The following FAM169A variants were observed in gnomAD, a reference collection of about 807,000 sequenced individuals.
FAM169A encodes the protein family with sequence similarity 169 member A, also known as soluble lamin-associated protein of 75 kDa.
Under a neutral mutation model 75.7 loss-of-function variants are expected in FAM169A, and 24 were observed. The observed-to-expected ratio is 0.32, with a 90% confidence interval of 0.23 to 0.45. The LOEUF is 0.45. FAM169A is among the 20% of genes least tolerant of loss of function. The probability of loss-of-function intolerance (pLI) is 1.00; values close to 1 mark genes in which losing one functional copy is unlikely to be tolerated. For synonymous variants in FAM169A, 271 were observed against 271.0 expected, an observed-to-expected ratio of 1.00 and a Z score of 0.00; for missense variants, 673 against 784.0, an observed-to-expected ratio of 0.86 and a Z score of 1.69.
intron 5 of FAM169A, among the ~76,000 whole-genome samples, chr5:74,823,075 T>C (rs538261896): frequency 1.6e-4 from 25 of 152,322 alleles, no homozygotes; most frequent in African/African-American, 6.0e-4. Context: ...AATACAATTT[T>C]CCAAGTGCTC....
rs1750309183 is a variant in FAM169A at position 74,865,913 on chromosome 5, G to A, written c.-4+252C>T. On this transcript the variant is annotated intron_variant, in intron 1 of 12. Transcript: ENST00000687041. The stretch of plus-strand genomic sequence containing the variant: ...TCACACAAAATGGTGGCGCCGAGGC[G>A]GAGGCCGGCGCACCTGGGGGCGCCA... 2.0e-5 allele frequency: 3 copies of A among 152,336 alleles called. 1 individual carries two copies. The South Asian group carries it at 6.2e-4, about 32-fold the overall frequency. 9.4% of individuals were successfully genotyped at this position (152,336 alleles called of 1,614,324 possible).
intron 11 of FAM169A, among the ~76,000 whole-genome samples, chr5:74,795,223 A>C (rs1315906196): frequency 6.6e-6 from 1 of 152,202 alleles, no homozygotes; most frequent in Non-Finnish European, 1.5e-5. Flanking sequence ...ACGCCACTGC[A>C]CTCCAGCCTG....
At chr5:74,855,045 A>T (rs1227475420) in intron 1 of FAM169A, among the ~76,000 whole-genome samples, 1 of 152,194 alleles carries the variant, frequency 6.6e-6, no homozygotes, top group African/African-American at 2.4e-5. Flanking sequence ...ACTGTTCTCC[A>T]TAGTGGTTAT....
intron 1 of FAM169A, among the ~76,000 whole-genome samples, chr5:74,847,556 G>A (rs1445158701): frequency 3.3e-5 from 5 of 152,068 alleles, no homozygotes; most frequent in Non-Finnish European, 7.4e-5. Context: ...TAAGACCTAT[G>A]AAACCACCAA....
chr5:74,818,785 CTCTCTCTCTCTCTCTCTCTATA>C (rs1290031220), intron 5 of FAM169A, among the ~76,000 whole-genome samples: 1 of 136,324 alleles, frequency 7.3e-6, no homozygotes, highest in African/African-American at 3.0e-5. Context: ...CTCTCTCTCT[CTCTCTCTCTCTCTCTCTCTATA>C]TATATATATA....
At chr5:74,785,038 A>C (rs1273882257) in intron 11 of FAM169A, among the ~76,000 whole-genome samples, 1 of 152,122 alleles carries the variant, frequency 6.6e-6, no homozygotes, top group African/African-American at 2.4e-5. Context: ...AAGTGAAAAA[A>C]AGGCCAGGCA....
intron 1 of FAM169A, among the ~76,000 whole-genome samples, chr5:74,846,585 T>G (rs929823774): frequency 6.6e-6 from 1 of 152,214 alleles, no homozygotes; most frequent in Non-Finnish European, 1.5e-5. Context: ...GAAAATTCTA[T>G]TAAATAAGCA....
At chr5:74,849,415 G>A (rs1247033025) in intron 1 of FAM169A, among the ~76,000 whole-genome samples, 1 of 151,882 alleles carries the variant, frequency 6.6e-6, no homozygotes, top group Non-Finnish European at 1.5e-5. Context: ...GATTCTTACA[G>A]GTTACTGCTA....
At chr5:74,864,974 T>G (rs1342037973) in intron 1 of FAM169A, among the ~76,000 whole-genome samples, 1 of 145,180 alleles carries the variant, frequency 6.9e-6, no homozygotes, top group Non-Finnish European at 1.5e-5. Flanking sequence ...TTTGCAAAGA[T>G]CATCTGTACA....
intron 1 of FAM169A, among the ~76,000 whole-genome samples, chr5:74,856,604 A>G (rs1254071842): frequency 6.6e-6 from 1 of 152,076 alleles, no homozygotes; most frequent in African/African-American, 2.4e-5. Context: ...ACATTGCACT[A>G]TAGTTTTTTA....
intron 1 of FAM169A, among the ~76,000 whole-genome samples, chr5:74,845,317 G>A (rs1749097626): frequency 6.6e-6 from 1 of 152,088 alleles, no homozygotes; most frequent in South Asian, 2.1e-4. Context: ...AGGAGATCGA[G>A]ACCATCCTGG....
chr5:74,785,125 C>A (rs1461884307), intron 11 of FAM169A, among the ~76,000 whole-genome samples: 1 of 151,908 alleles, frequency 6.6e-6, no homozygotes, highest in Non-Finnish European at 1.5e-5. Context: ...TCAAGACCAG[C>A]CTGGCCAAGA....
rs1237883474 is a variant in FAM169A at position 74,779,769 on chromosome 5, TAGG to T, written c.*1688_*1690del. 1.3e-5 allele frequency: 2 copies of T among 152,192 alleles called. No individual in the cohort carries two copies. Among genetic ancestry groups the T allele is most frequent in the Non-Finnish European group, 2.9e-5 (2 of 68,020 alleles). 9.4% of individuals were successfully genotyped at this position (152,192 alleles called of 1,614,324 possible). The stretch of plus-strand genomic sequence containing the variant: ...ACAATTGTTCAAAATCTAACACAAA[TAGG>T]AGCGTTTACTATTTTTGTCTGCTTT... On this transcript the variant is annotated 3_prime_UTR_variant, in exon 13 of 13. Coordinates refer to ENST00000687041, the MANE Select transcript of FAM169A (RefSeq NM_001376049.1).
At chr5:74,803,289 G>C (rs1278211467) in intron 8 of FAM169A, among the ~76,000 whole-genome samples, 2 of 152,010 alleles carry the variant, frequency 1.3e-5, no homozygotes, top group African/African-American at 4.8e-5. Context: ...AATACTAAAT[G>C]AATCTGTGTA....
chr5:74,795,360 A>C (rs1439103516), intron 11 of FAM169A, among the ~76,000 whole-genome samples: 1 of 152,238 alleles, frequency 6.6e-6, no homozygotes, highest in East Asian at 1.9e-4. Context: ...ATTTATGAAC[A>C]TATGAAAGAA....
At chr5:74,860,193 C>A (rs536163219) in intron 1 of FAM169A, among the ~76,000 whole-genome samples, 33 of 152,304 alleles carry the variant, frequency 2.2e-4, no homozygotes, top group African/African-American at 7.5e-4. Flanking sequence ...TGTAGATCTG[C>A]ACTGAGTAGT....
intron 11 of FAM169A, among the ~76,000 whole-genome samples, chr5:74,793,657 T>C (rs1021854601): frequency 2.6e-5 from 4 of 152,182 alleles, no homozygotes; most frequent in East Asian, 1.9e-4. Context: ...TCACCACTAA[T>C]GAATTTATCC....
intron 8 of FAM169A, among the ~76,000 whole-genome samples, chr5:74,802,369 T>G (rs954890804): frequency 6.6e-6 from 1 of 151,976 alleles, no homozygotes; most frequent in East Asian, 1.9e-4. Flanking sequence ...AATCACAAAT[T>G]GTACCATTTT....
At chr5:74,858,529 C>CA (rs1372484211) in intron 1 of FAM169A, among the ~76,000 whole-genome samples, 2 of 152,130 alleles carry the variant, frequency 1.3e-5, no homozygotes, top group African/African-American at 4.8e-5. Flanking sequence ...GGGAGCTAAA[C>CA]ACTGGGTACA....
Sources: allele counts gnomAD v4.1 joint callset (sites outside exome capture counted in the v4.1 genomes callset), GRCh38; gene constraint gnomAD v4.1.1; transcripts MANE v1.5; gene names NCBI Gene and HGNC (gene_info 2026-07-23, HGNC 2026-07-21).